CASQ2: variants seen among roughly 807,000 people sequenced by gnomAD.
CASQ2 encodes calsequestrin-2.
Under a neutral mutation model 46.5 loss-of-function variants are expected in CASQ2, and 49 were observed. The ratio of observed to expected loss-of-function variants is 1.05; its 90% CI spans 0.84 to 1.34. The LOEUF is 1.34. CASQ2 is among the 40% of genes most tolerant of loss of function. CASQ2 has a pLI of 0.00. For missense variants in CASQ2, 486 were observed against 481.3 expected (o/e 1.01, Z -0.09); for synonymous variants, 174 against 168.5 (o/e 1.03, Z -0.25).
At chr1:115,756,981 T>C (rs911053624) in intron 1 of CASQ2, among the ~76,000 whole-genome samples, 1 of 152,024 alleles carries the variant, frequency 6.6e-6, no homozygotes, top group Admixed American at 6.6e-5. Context: ...AAAAAACTTA[T>C]ACCTTTGGGA....
chr1:115,764,204 C>T (rs1649057973), intron 1 of CASQ2, among the ~76,000 whole-genome samples: 2 of 151,998 alleles, frequency 1.3e-5, no homozygotes, highest in Non-Finnish European at 2.9e-5. Context: ...ATTTTTAAAA[C>T]TCTAAAAATT....
intron 8 of CASQ2, among the ~76,000 whole-genome samples, chr1:115,712,630 A>G (rs76424848): frequency 0.014 from 2,183 of 152,290 alleles, 63 homozygotes; most frequent in African/African-American, 0.05. Context: ...CATTCAACAC[A>G]TAGTAAGAAC....
At chr1:115,725,299 C>T (rs1334502320) in intron 7 of CASQ2, among the ~76,000 whole-genome samples, 4 of 152,088 alleles carry the variant, frequency 2.6e-5, no homozygotes, top group Non-Finnish European at 5.9e-5. Flanking sequence ...GACACCTGAA[C>T]TCAAGTGATC....
chr1:115,756,655 T>A (rs1292236927), intron 1 of CASQ2, among the ~76,000 whole-genome samples: 1 of 152,200 alleles, frequency 6.6e-6, no homozygotes, highest in African/African-American at 2.4e-5. Context: ...TTAAAATTTA[T>A]AACTTTGGGG....
intron 1 of CASQ2, among the ~76,000 whole-genome samples, chr1:115,765,138 T>TAC (rs1649088396): frequency 6.6e-6 from 1 of 152,198 alleles, no homozygotes; most frequent in Admixed American, 6.5e-5. Flanking sequence ...GCTGTGTTGT[T>TAC]ACAGCAACCT....
chr1:115,742,912 C>A (rs1648240837), intron 2 of CASQ2, among the ~76,000 whole-genome samples: 1 of 152,070 alleles, frequency 6.6e-6, no homozygotes, highest in Admixed American at 6.6e-5. Flanking sequence ...CCTCAGCCTC[C>A]CGAGTAGTGG....
In CASQ2 at chr1:115,701,126, GA is replaced by G; in HGVS notation, c.*114del. The G allele has an allele frequency of 6.6e-7, 1 of 1,520,576 alleles. No individual in the cohort carries two copies. The highest frequency in any genetic ancestry group is 1.4e-5 in the African/African-American group (1 of 73,188). The allele number at this position is 1,520,576 out of a possible 1,614,324, so 94.2% of individuals were successfully genotyped here. On this transcript the variant is annotated 3_prime_UTR_variant, in exon 11 of 11. Coordinates refer to ENST00000261448, the MANE Select transcript of CASQ2 (RefSeq NM_001232.4). ...AAAGGGAGTGGGAAAAGAGATGATG[GA>G]AAAGGGAAAGGAGCTGGCTGGGTGT...
intron 1 of CASQ2, among the ~76,000 whole-genome samples, chr1:115,767,738 A>G (rs1447364010): frequency 6.6e-6 from 1 of 152,120 alleles, no homozygotes; most frequent in Non-Finnish European, 1.5e-5. Flanking sequence ...ACTTTCTGAG[A>G]AAAAAAATCA....
At chr1:115,704,483 A>C (rs1323607129) in intron 9 of CASQ2, among the ~76,000 whole-genome samples, 1 of 152,190 alleles carries the variant, frequency 6.6e-6, no homozygotes, top group African/African-American at 2.4e-5. Context: ...AGGCATGTAA[A>C]GTATTACTCT....
chr1:115,743,004 G>C (rs1648244817), intron 2 of CASQ2, among the ~76,000 whole-genome samples: 1 of 151,808 alleles, frequency 6.6e-6, no homozygotes, highest in African/African-American at 2.4e-5. Context: ...TAGCCAGGAT[G>C]GTCTCGATCT....
intron 7 of CASQ2, among the ~76,000 whole-genome samples, chr1:115,723,538 T>G (rs2101075118): frequency 6.6e-6 from 1 of 152,258 alleles, no homozygotes; most frequent in African/African-American, 2.4e-5. Context: ...AATACATTAA[T>G]AAGACTCTTT....
At chr1:115,761,802 C>A (rs1342140703) in intron 1 of CASQ2, among the ~76,000 whole-genome samples, 3 of 151,954 alleles carry the variant, frequency 2.0e-5, no homozygotes, top group Admixed American at 2.0e-4. Flanking sequence ...GATGATGAAA[C>A]CAGCATCCCT....
At chr1:115,757,469 T>C (rs1648800201) in intron 1 of CASQ2, among the ~76,000 whole-genome samples, 1 of 152,164 alleles carries the variant, frequency 6.6e-6, no homozygotes, top group African/African-American at 2.4e-5. Flanking sequence ...CAGTGAACAG[T>C]TGGAAAAAAA....
At chr1:115,743,319 C>T (rs112880954) in intron 2 of CASQ2, among the ~76,000 whole-genome samples, 2,835 of 152,064 alleles carry the variant, frequency 0.019, 85 homozygotes, top group African/African-American at 0.063. Context: ...GCAGAAGTCA[C>T]GGCAATCTTG....
intron 3 of CASQ2, among the ~76,000 whole-genome samples, chr1:115,739,037 A>G (rs1448230061): frequency 1.4e-5 from 2 of 141,784 alleles, no homozygotes; most frequent in Non-Finnish European, 3.1e-5. Context: ...CCATCTGTAT[A>G]GTTGCAAATG....
intron 4 of CASQ2, among the ~76,000 whole-genome samples, chr1:115,733,326 T>C (rs971201794): frequency 2.6e-5 from 4 of 152,202 alleles, no homozygotes; most frequent in Admixed American, 2.6e-4. Flanking sequence ...CTGCTACTTA[T>C]AATCATGCCC....
chr1:115,718,056 A>G (rs539456184), intron 7 of CASQ2, among the ~76,000 whole-genome samples, 162 bp from the exon 8 acceptor site: 4 of 152,296 alleles, frequency 2.6e-5, no homozygotes, highest in Admixed American at 1.3e-4. Context: ...CGGGGCTCAC[A>G]TTAAGGAAGG....
chr1:115,768,514 C>G lies in CASQ2; in HGVS notation c.28G>C (p.Gly10Arg). The G allele has an allele frequency of 6.2e-7, 1 of 1,613,058 alleles. No homozygotes were observed. The highest frequency in any genetic ancestry group is 8.5e-7 in the Non-Finnish European group (1 of 1,179,084). ...CTGCAAGAGGACAGAAAATAAATCC[C>G]CACAATAAACAAGTGAGTTCTCTTC... MKRTHLFIVGIYFLSSCRAE... is the reference protein window; with the variant it reads MKRTHLFIVRIYFLSSCRAE... The change falls in exon 1 of 11, where the codon GGG becomes CGG. Residue 10 changes from glycine (G) to arginine (R), a missense_variant. By Grantham distance (125) the Gly-to-Arg change is moderately radical. Transcript: ENST00000261448.
At chr1:115,734,614 C>T (rs536623640) in intron 4 of CASQ2, among the ~76,000 whole-genome samples, 3 of 152,332 alleles carry the variant, frequency 2.0e-5, no homozygotes, top group South Asian at 4.1e-4. Context: ...CCTGACCAGC[C>T]TGTTCCTGGT....
Sources: allele counts gnomAD v4.1 joint callset (sites outside exome capture counted in the v4.1 genomes callset), GRCh38; gene constraint gnomAD v4.1.1; transcripts MANE v1.5; gene names NCBI Gene and HGNC (gene_info 2026-07-23, HGNC 2026-07-21).